YTHDC2: variants seen among roughly 807,000 people sequenced by gnomAD.
YTHDC2 encodes the protein 3'-5' RNA helicase YTHDC2.
Under a neutral mutation model 174.9 loss-of-function variants are expected in YTHDC2, and 45 were observed. That is an observed-to-expected ratio of 0.26 (90% confidence interval 0.20 to 0.33). The LOEUF is 0.33. YTHDC2 is among the 10% of genes least tolerant of loss of function. The probability of loss-of-function intolerance (pLI) is 1.00; values close to 1 mark genes in which losing one functional copy is unlikely to be tolerated. For synonymous variants in YTHDC2, 657 were observed against 574.5 expected (o/e 1.14, Z -2.05); for missense variants, 1,650 against 1,723.7 (o/e 0.96, Z 0.76).
intron 28 of YTHDC2, 186 bp downstream of exon 28, chr5:113,592,364 C>G: frequency 2.1e-6 from 1 of 483,484 alleles, no homozygotes; most frequent in Non-Finnish European, 3.5e-6. Flanking sequence ...TTGCTCCTTG[C>G]AGTCAGAGTC....
intron 26 of YTHDC2, 118 bp from the exon 27 acceptor site, chr5:113,590,923 T>G: frequency 1.2e-6 from 1 of 832,970 alleles, no homozygotes; most frequent in Non-Finnish European, 1.8e-6. Flanking sequence ...GCTATTTGCA[T>G]TTGTTGAATA....
intron 10 of YTHDC2, among the ~76,000 whole-genome samples, chr5:113,548,327 C>T (rs1031579060): frequency 1.3e-5 from 2 of 152,096 alleles, no homozygotes; most frequent in South Asian, 4.1e-4. Flanking sequence ...TTCCAACCAA[C>T]AGTCTTTATT....
chr5:113,589,412 T>TAC (rs1778886426), intron 26 of YTHDC2, among the ~76,000 whole-genome samples: 2 of 131,078 alleles, frequency 1.5e-5, no homozygotes, highest in Non-Finnish European at 3.2e-5. Context: ...AAAAAAAATA[T>TAC]ATATATATAT....
chr5:113,578,870 G>A (rs574005124), intron 23 of YTHDC2, among the ~76,000 whole-genome samples: 20 of 151,960 alleles, frequency 1.3e-4, no homozygotes, highest in African/African-American at 2.2e-4. Flanking sequence ...AGTAATTTTC[G>A]TGTAGAAAAT....
chr5:113,557,600 C>G (rs1437219493), intron 17 of YTHDC2, among the ~76,000 whole-genome samples: 1 of 152,098 alleles, frequency 6.6e-6, no homozygotes, highest in African/African-American at 2.4e-5. Context: ...CTGAGACTAG[C>G]CTGGGCATCA....
intron 2 of YTHDC2, among the ~76,000 whole-genome samples, chr5:113,524,495 A>T (rs1401928850): frequency 1.3e-5 from 2 of 152,136 alleles, no homozygotes; most frequent in Non-Finnish European, 2.9e-5. Context: ...TGGTCCAACC[A>T]TGAAACTTGG....
intron 21 of YTHDC2, 118 bp from the exon 22 acceptor site, chr5:113,566,974 A>T: frequency 1.8e-6 from 2 of 1,130,158 alleles, no homozygotes; most frequent in Non-Finnish European, 2.5e-6. Context: ...AGATTCTATT[A>T]ATTATCGTGA....
intron 28 of YTHDC2, chr5:113,592,387 T>C (rs1206254362): frequency 2.4e-6 from 1 of 423,060 alleles, no homozygotes; most frequent in East Asian, 3.8e-5. Flanking sequence ...AAGATGACAA[T>C]AGTATTTAAC....
At chr5:113,514,829 A>G (rs1833681) in intron 1 of YTHDC2, among the ~76,000 whole-genome samples, 48,266 of 152,150 alleles carry the variant, frequency 0.32, 9,454 homozygotes, top group African/African-American at 0.54. Flanking sequence ...ACAGTTTTGA[A>G]AGCAAAGACA....
chr5:113,548,046 A>G (rs1776007948), intron 10 of YTHDC2, among the ~76,000 whole-genome samples: 1 of 152,192 alleles, frequency 6.6e-6, no homozygotes, highest in South Asian at 2.1e-4. Context: ...TGTCTTATCA[A>G]ATAGCCTTGA....
intron 27 of YTHDC2, 25 bp downstream of exon 27, chr5:113,591,269 T>C (rs763382226): frequency 1.2e-6 from 2 of 1,612,064 alleles, no homozygotes; most frequent in Non-Finnish European, 1.7e-6. Context: ...ATCAGTAAAA[T>C]GGGGTTGTTC....
chr5:113,553,824 A>G lies in YTHDC2; in HGVS notation c.2022A>G (p.Leu674=), dbSNP rs778024847. 4 of 1,612,224 alleles carry G rather than the reference A, an allele frequency of 2.5e-6. No homozygotes were observed. The highest frequency in any genetic ancestry group is 1.1e-5 in the South Asian group (1 of 90,640). ...AAACATCCGATCAAAAGAAAGTATT[A>G]AAAAACCCACCTGCAGGTGTTCGAA... ...NMQTSDQKKV[L]KNPPAGVRKI... is the part of the protein sequence containing the mutation. The change falls in exon 15 of 30, where the codon TTA becomes TTG. Residue 674 remains leucine (L), a synonymous_variant. Coordinates refer to ENST00000161863, the MANE Select transcript of YTHDC2 (RefSeq NM_022828.5).
rs141322258 is a variant in YTHDC2, at chr5:113,545,388, T to C, written c.1495+2885T>C. 6.7e-3 allele frequency among the ~76,000 whole-genome samples: 964 copies of C among 144,464 alleles called. 8 individuals carry two copies. Among genetic ancestry groups the C allele is most frequent in the African/African-American group, 0.022 (897 of 40,834 alleles). 94.8% of individuals were successfully genotyped at this position (144,464 alleles called of 152,430 possible). ...TTTTGTTTTGTTTTGTTTTGTTTTG[T>C]TTTGTTTTGTTTTGAAACAGGGTCT... On this transcript the variant is annotated intron_variant, in intron 10 of 29. Coordinates refer to ENST00000161863, the MANE Select transcript of YTHDC2 (RefSeq NM_022828.5).
At chr5:113,514,424 T>C in intron 1 of YTHDC2, 1 of 512,166 alleles carries the variant, frequency 2.0e-6, no homozygotes. Context: ...GTCACCTAAT[T>C]GTGGCACGTT....
At chr5:113,589,739 A>G (rs1327861590) in intron 26 of YTHDC2, among the ~76,000 whole-genome samples, 1 of 152,022 alleles carries the variant, frequency 6.6e-6, no homozygotes, top group African/African-American at 2.4e-5. Flanking sequence ...CCCCCTAAAA[A>G]AAGTTAATAA....
rs1773173047 is a variant in YTHDC2, at chr5:113,513,722, C to T, written c.-174C>T. The T allele has an allele frequency of 4.4e-6, 3 of 683,502 alleles. No homozygotes were observed. The highest frequency in any genetic ancestry group is 4.6e-6 in the Non-Finnish European group (2 of 437,812). The allele number at this position is 683,502 out of a possible 1,614,324, so 42.3% of individuals were successfully genotyped here. On this transcript the variant is annotated 5_prime_UTR_variant, in exon 1 of 30. Coordinates refer to ENST00000161863, the MANE Select transcript of YTHDC2 (RefSeq NM_022828.5). ...CCTCGCCTGGCCGTGATATCAATGG[C>T]GCAGGCTTCACTTCTGCTGTGGCGG...
chr5:113,580,457 A>G (rs1324697020), intron 24 of YTHDC2, among the ~76,000 whole-genome samples: 1 of 151,990 alleles, frequency 6.6e-6, no homozygotes, highest in African/African-American at 2.4e-5. Flanking sequence ...CAAATTACAA[A>G]TTTTCATGAC....
chr5:113,550,481 CA>C (rs1184162647), intron 12 of YTHDC2, among the ~76,000 whole-genome samples: 1 of 151,954 alleles, frequency 6.6e-6, no homozygotes, highest in Non-Finnish European at 1.5e-5. Flanking sequence ...GTTTACCAGT[CA>C]TAGTAAAGTA....
chr5:113,560,928 A>G, intron 17 of YTHDC2, 152 bp from the exon 18 acceptor site: 1 of 579,196 alleles, frequency 1.7e-6, no homozygotes, highest in Non-Finnish European at 2.7e-6. Context: ...GCTTTCCAAA[A>G]TGATTGATAA....
Sources: allele counts gnomAD v4.1 joint callset (sites outside exome capture counted in the v4.1 genomes callset), GRCh38; gene constraint gnomAD v4.1.1; transcripts MANE v1.5; gene names NCBI Gene and HGNC (gene_info 2026-07-23, HGNC 2026-07-21).